The following CHRDL1 variants were observed in gnomAD, a reference collection of about 807,000 sequenced individuals.
The protein encoded by CHRDL1 is chordin-like protein 1.
In CHRDL1, 19 loss-of-function variants were observed where a neutral mutation model predicts 40.9. The ratio of observed to expected loss-of-function variants is 0.46; its 90% CI spans 0.32 to 0.68. The LOEUF (loss-of-function observed/expected upper bound fraction) is 0.68. CHRDL1 is among the 30% of genes least tolerant of loss of function. The probability of loss-of-function intolerance (pLI) is 0.03; values close to 1 mark genes in which losing one functional copy is unlikely to be tolerated. For missense variants in CHRDL1, 329 were observed against 352.1 expected (o/e 0.93, Z 0.53); for synonymous variants, 136 against 123.4 (o/e 1.10, Z -0.68).
intron 4 of CHRDL1, 130 bp downstream of exon 4, chrX:110,759,531 G>A: frequency 5.8e-6 from 3 of 514,751 alleles, no homozygotes; most frequent in South Asian, 6.2e-5. Flanking sequence ...GGCCAGTTTG[G>A]ACTGCCTAAA....
chrX:110,779,728 T>C (rs956242336), intron 2 of CHRDL1, among the ~76,000 whole-genome samples: 5 of 111,396 alleles, frequency 4.5e-5, no homozygotes, highest in African/African-American at 1.6e-4. Flanking sequence ...AATAACTTGC[T>C]GGGATTTTAC....
intron 7 of CHRDL1, among the ~76,000 whole-genome samples, chrX:110,700,163 T>C: frequency 8.9e-6 from 1 of 112,103 alleles, no homozygotes; most frequent in South Asian, 3.8e-4. Context: ...AAGGGAGACA[T>C]CACCAGGCTG....
chrX:110,754,302 T>C (rs145438658), intron 4 of CHRDL1, among the ~76,000 whole-genome samples: 2,108 of 112,616 alleles, frequency 0.019, 19 homozygotes, highest in South Asian at 0.031. Context: ...CTTTTTAAAC[T>C]GTGTTAGTAT....
At chrX:110,693,729 C>T (rs12116080) in intron 8 of CHRDL1, among the ~76,000 whole-genome samples, 155 of 110,932 alleles carry the variant, frequency 1.4e-3, no homozygotes, top group African/African-American at 4.6e-3. Flanking sequence ...GTATCTTTAA[C>T]GAGAGCCCCA....
At chrX:110,693,775 T>C (rs1373785364) in intron 8 of CHRDL1, among the ~76,000 whole-genome samples, 1 of 111,451 alleles carries the variant, frequency 9.0e-6, no homozygotes, top group Non-Finnish European at 1.9e-5. Context: ...TGAGAATTGC[T>C]ATTTCTAAGG....
At chrX:110,775,472 T>C (rs200705118) in intron 2 of CHRDL1, among the ~76,000 whole-genome samples, 15 of 7,082 alleles carry the variant, frequency 2.1e-3, no homozygotes, top group Non-Finnish European at 0.014. Context: ...TGGGGGAAAA[T>C]GGATAACCAT....
chrX:110,746,143 T>C (rs2089246458), intron 4 of CHRDL1, among the ~76,000 whole-genome samples: 1 of 111,403 alleles, frequency 9.0e-6, no homozygotes, highest in South Asian at 3.8e-4. Flanking sequence ...TGATCCTCCC[T>C]GGTTTGGAAG....
intron 3 of CHRDL1, among the ~76,000 whole-genome samples, chrX:110,760,163 C>A (rs1009138478): frequency 8.9e-6 from 1 of 112,389 alleles, no homozygotes; most frequent in Admixed American, 9.4e-5. Context: ...CTACCCAGCC[C>A]TGGGCAAGGA....
rs1424305011 is a variant in CHRDL1, at chrX:110,689,061, AATATATATATGTATAT to A, written c.779-274_779-259del. ...CCTCAGACATAGTAGGCAGTCCATA[AATATATATATGTATAT>A]ATATATATATATATATATATATATA... On this transcript the variant is annotated intron_variant, in intron 8 of 11. Transcript: ENST00000372042. 2.0e-3 allele frequency among the ~76,000 whole-genome samples: 154 copies of A among 76,239 alleles called. 6 individuals carry two copies. Among genetic ancestry groups the A allele is most frequent in the African/African-American group, 4.7e-3 (103 of 21,730 alleles). The allele number at this position is 76,239 out of a possible 115,157, so 66.2% of individuals were successfully genotyped here. A position where few individuals can be genotyped will look rare whatever the true frequency, so the allele number is the denominator to read the frequency against.
At position 110,690,053 on chromosome X, in the gene CHRDL1, AT is replaced by A. The variant is rs61665833; in HGVS notation, c.779-1251del. Among the ~76,000 whole-genome samples the A allele has an allele frequency of 3.0e-4, 11 of 36,884 alleles. 2 individuals are homozygous for A. The highest frequency in any genetic ancestry group is 5.1e-4 in the Non-Finnish European group (10 of 19,677). The allele number at this position is 36,884 out of a possible 115,157, so 32.0% of individuals were successfully genotyped here. On this transcript the variant is annotated intron_variant, in intron 8 of 11. Coordinates refer to ENST00000372042, the MANE Select transcript of CHRDL1 (RefSeq NM_001143981.2). ...TCTATATATATCTATATATATATAT[AT>A]TTTTTTTTTGAGATGGAGTCTCGCT...
chrX:110,688,887 T>A, intron 8 of CHRDL1, 84 bp from the exon 9 acceptor site: 1 of 692,046 alleles, frequency 1.4e-6, no homozygotes. Context: ...CTGAACTACT[T>A]AACATATCAA....
At chrX:110,730,563 C>T (rs979876595) in intron 4 of CHRDL1, among the ~76,000 whole-genome samples, 2 of 111,264 alleles carry the variant, frequency 1.8e-5, no homozygotes, top group East Asian at 5.7e-4. Flanking sequence ...CCTTGGCCAA[C>T]ACTCCCATTG....
At position 110,675,955 on chromosome X, in the gene CHRDL1, A is replaced by C. The variant is rs1278065544; in HGVS notation, c.*276T>G. 3 of 225,384 alleles carry C rather than the reference A, an allele frequency of 1.3e-5. No individual in the cohort carries two copies. The highest frequency in any genetic ancestry group is 2.4e-5 in the Non-Finnish European group (3 of 126,306). 18.6% of individuals were successfully genotyped at this position (225,384 alleles called of 1,213,427 possible). ...CTTGTTTGTCTTTAACCTGTAAAGA[A>C]ATGTGATTCTCCAAGAAACTAGAGC... On this transcript the variant is annotated 3_prime_UTR_variant, in exon 12 of 12. Coordinates refer to ENST00000372042, the MANE Select transcript of CHRDL1 (RefSeq NM_001143981.2).
intron 9 of CHRDL1, among the ~76,000 whole-genome samples, chrX:110,686,113 T>C (rs1179237883): frequency 1.8e-5 from 2 of 110,086 alleles, no homozygotes; most frequent in Non-Finnish European, 3.8e-5. Context: ...CCCAGGCTGG[T>C]CTCAAACTCC....
rs762499729 is a variant in CHRDL1 at position 110,794,704 on chromosome X, G to A, written c.-35+1040C>T. On this transcript the variant is annotated intron_variant, in intron 1 of 11. Coordinates refer to ENST00000372042, the MANE Select transcript of CHRDL1 (RefSeq NM_001143981.2). ...ACTTTCAGAACAGGTCTCCTGGGTA[G>A]AACAGAAGCAAAGAGACATCCCCAC... Among the ~76,000 whole-genome samples the A allele has an allele frequency of 4.4e-5, 5 of 112,379 alleles. No homozygotes were observed. The East Asian group carries it at 1.4e-3, about 32-fold the overall frequency.
chrX:110,783,441 C>T (rs1009768506), intron 2 of CHRDL1, among the ~76,000 whole-genome samples: 11 of 112,630 alleles, frequency 9.8e-5, no homozygotes, highest in Non-Finnish European at 1.9e-4. Context: ...ATTTGAGAAA[C>T]TATGATAAAG....
chrX:110,769,488 T>A (rs1035819294), intron 2 of CHRDL1, among the ~76,000 whole-genome samples: 1 of 112,550 alleles, frequency 8.9e-6, no homozygotes, highest in African/African-American at 3.2e-5. Flanking sequence ...ACAATCTAAG[T>A]ACAGAAATAG....
chrX:110,738,823 T>C (rs1313231666), intron 4 of CHRDL1, among the ~76,000 whole-genome samples: 1 of 111,490 alleles, frequency 9.0e-6, no homozygotes, highest in Admixed American at 9.5e-5. Context: ...CTGAATGCCC[T>C]GGTAGCCAGG....
At chrX:110,680,187 A>C (rs1309927685) in intron 10 of CHRDL1, among the ~76,000 whole-genome samples, 1 of 111,689 alleles carries the variant, frequency 9.0e-6, no homozygotes, top group Admixed American at 9.5e-5. Context: ...TAGACGCTAC[A>C]TTAGCAAGTT....
Sources: allele counts gnomAD v4.1 joint callset (sites outside exome capture counted in the v4.1 genomes callset), GRCh38; gene constraint gnomAD v4.1.1; transcripts MANE v1.5; gene names NCBI Gene and HGNC (gene_info 2026-07-23, HGNC 2026-07-21).